Variants in TAFA4 observed in about 807,000 individuals in gnomAD.
The protein encoded by TAFA4 is chemokine-like protein TAFA-4.
In TAFA4, 20 loss-of-function variants were observed where a neutral mutation model predicts 21.1. The observed-to-expected ratio is 0.95, with a 90% CI of 0.67 to 1.38. TAFA4 has a LOEUF of 1.38. Ranked by LOEUF, TAFA4 falls within the 40% of genes most tolerant of loss-of-function variation. The probability of loss-of-function intolerance (pLI) is 0.00; values close to 1 mark genes in which losing one functional copy is unlikely to be tolerated. For synonymous variants in TAFA4, 71 were observed against 67.4 expected (o/e 1.05, Z -0.26); for missense variants, 211 against 180.9 (o/e 1.17, Z -0.95).
intron 3 of TAFA4, among the ~76,000 whole-genome samples, chr3:68,802,925 T>C (rs1373288750): frequency 6.6e-6 from 1 of 152,208 alleles, no homozygotes; most frequent in Non-Finnish European, 1.5e-5. Context: ...GATTGCTTTC[T>C]TCTTTGGCAA....
intron 3 of TAFA4, among the ~76,000 whole-genome samples, chr3:68,784,695 C>G (rs1575607311): frequency 6.6e-6 from 1 of 152,200 alleles, no homozygotes. Flanking sequence ...GGAAGGGGAC[C>G]CGAGTGGGTT....
chr3:68,843,422 C>T (rs1015798191), intron 3 of TAFA4, among the ~76,000 whole-genome samples: 19 of 152,336 alleles, frequency 1.2e-4, no homozygotes, highest in African/African-American at 4.6e-4. Flanking sequence ...AGATTTTAGG[C>T]TGAGACAATG....
At chr3:68,767,400 T>C (rs999780594) in intron 3 of TAFA4, among the ~76,000 whole-genome samples, 5 of 151,822 alleles carry the variant, frequency 3.3e-5, no homozygotes, top group South Asian at 2.1e-4. Context: ...TCGGGAACAA[T>C]AGGAAATTTC....
intron 3 of TAFA4, among the ~76,000 whole-genome samples, chr3:68,822,768 GGCT>G (rs1443142969): frequency 1.3e-5 from 2 of 152,084 alleles, no homozygotes; most frequent in Non-Finnish European, 2.9e-5. Flanking sequence ...CACTGCGCCT[GGCT>G]GCTAAAATTC....
chr3:68,806,561 A>G (rs1703703752), intron 3 of TAFA4, among the ~76,000 whole-genome samples: 1 of 152,196 alleles, frequency 6.6e-6, no homozygotes, highest in African/African-American at 2.4e-5. Context: ...TATCACCAAC[A>G]TTCATTCAAT....
At chr3:68,813,666 A>C (rs557132545) in intron 3 of TAFA4, among the ~76,000 whole-genome samples, 44 of 152,332 alleles carry the variant, frequency 2.9e-4, no homozygotes, top group Non-Finnish European at 4.9e-4. Context: ...AAATTGAGGC[A>C]ATAATTAATA....
intron 3 of TAFA4, among the ~76,000 whole-genome samples, chr3:68,876,108 C>T (rs1230026943): frequency 6.6e-6 from 1 of 152,164 alleles, no homozygotes; most frequent in Non-Finnish European, 1.5e-5. Context: ...TCATAGTAGG[C>T]TCTAACCACA....
chr3:68,857,625 T>G (rs1028883503), intron 3 of TAFA4, among the ~76,000 whole-genome samples: 2 of 152,070 alleles, frequency 1.3e-5, no homozygotes, highest in Non-Finnish European at 2.9e-5. Context: ...TATACATATA[T>G]TAAAGTGTTA....
chr3:68,890,472 T>A (rs13060315), intron 1 of TAFA4, among the ~76,000 whole-genome samples: 39,986 of 152,142 alleles, frequency 0.26, 6,124 homozygotes, highest in East Asian at 0.58. Flanking sequence ...CTCTCTGAGC[T>A]TTCATCCAAG....
At chr3:68,854,544 G>A (rs1705023800) in intron 3 of TAFA4, among the ~76,000 whole-genome samples, 1 of 152,122 alleles carries the variant, frequency 6.6e-6, no homozygotes, top group African/African-American at 2.4e-5. Flanking sequence ...CAAGCACCAA[G>A]TCTTAGGAGT....
intron 1 of TAFA4, among the ~76,000 whole-genome samples, chr3:68,899,947 T>C (rs1418665769): frequency 6.6e-6 from 1 of 151,888 alleles, no homozygotes. Context: ...TAACCTTTAA[T>C]TAAAATAATA....
intron 3 of TAFA4, among the ~76,000 whole-genome samples, chr3:68,849,330 A>G (rs1472096872): frequency 1.3e-5 from 2 of 152,186 alleles, no homozygotes; most frequent in Non-Finnish European, 2.9e-5. Flanking sequence ...TCATTAATAG[A>G]ATATGGCAGA....
chr3:68,904,943 C>CT (rs777384247), intron 1 of TAFA4, among the ~76,000 whole-genome samples: 3 of 152,168 alleles, frequency 2.0e-5, no homozygotes, highest in Non-Finnish European at 4.4e-5. Context: ...TCAGTGGAGG[C>CT]TGAGGAGATG....
intron 1 of TAFA4, among the ~76,000 whole-genome samples, chr3:68,910,806 A>G (rs928251823): frequency 6.6e-6 from 1 of 152,218 alleles, no homozygotes; most frequent in Non-Finnish European, 1.5e-5. Flanking sequence ...TTCTTTGCAT[A>G]GTTCAGCACC....
chr3:68,892,091 G>T (rs1181275270), intron 1 of TAFA4, among the ~76,000 whole-genome samples: 1 of 152,126 alleles, frequency 6.6e-6, no homozygotes, highest in Non-Finnish European at 1.5e-5. Flanking sequence ...CTGATACACG[G>T]CAGAACCTCC....
intron 4 of TAFA4, among the ~76,000 whole-genome samples, chr3:68,739,566 C>T (rs946762744): frequency 8.5e-5 from 13 of 152,094 alleles, no homozygotes; most frequent in African/African-American, 3.1e-4. Flanking sequence ...AAAAAGACAC[C>T]TGCACTCATA....
intron 3 of TAFA4, among the ~76,000 whole-genome samples, chr3:68,862,494 C>T (rs2089357557): frequency 6.6e-6 from 1 of 152,124 alleles, no homozygotes; most frequent in South Asian, 2.1e-4. Context: ...AATTAACCTG[C>T]TTATTAACAT....
At chr3:68,904,454 A>G (rs1367663363) in intron 1 of TAFA4, among the ~76,000 whole-genome samples, 1 of 152,260 alleles carries the variant, frequency 6.6e-6, no homozygotes, top group Non-Finnish European at 1.5e-5. Context: ...TCATTATGAA[A>G]GATAAAATGC....
At chr3:68,810,922 C>G (rs952745847) in intron 3 of TAFA4, among the ~76,000 whole-genome samples, 3 of 152,160 alleles carry the variant, frequency 2.0e-5, no homozygotes, top group Non-Finnish European at 4.4e-5. Flanking sequence ...AGGCAACCCC[C>G]AGTAGGGGCA....
Sources: allele counts gnomAD v4.1 joint callset (sites outside exome capture counted in the v4.1 genomes callset), GRCh38; gene constraint gnomAD v4.1.1; transcripts MANE v1.5; gene names NCBI Gene and HGNC (gene_info 2026-07-23, HGNC 2026-07-21).